The following FSTL5 variants were observed in gnomAD, a reference collection of about 807,000 sequenced individuals.
FSTL5 encodes the protein follistatin like 5, also known as follistatin-related protein 5.
Under a neutral mutation model 89.1 loss-of-function variants are expected in FSTL5, and 62 were observed. The observed-to-expected ratio is 0.70, with a 90% CI of 0.57 to 0.86. FSTL5 has a LOEUF of 0.86. Ranked by LOEUF, FSTL5 falls within the 40% of genes least tolerant of loss-of-function variation. The pLI, the probability that FSTL5 is intolerant of heterozygous loss-of-function variation, is 0.00. For missense variants in FSTL5, 1,057 were observed against 1,001.6 expected (o/e 1.06, Z -0.75); for synonymous variants, 383 against 346.2 (o/e 1.11, Z -1.18).
chr4:161,767,052 T>C (rs1408073773), intron 5 of FSTL5, among the ~76,000 whole-genome samples: 1 of 152,150 alleles, frequency 6.6e-6, no homozygotes, highest in Non-Finnish European at 1.5e-5. Flanking sequence ...TGTCTACCCA[T>C]AGTCTTTCAA....
chr4:162,100,185 G>A lies in FSTL5; in HGVS notation c.126+11086C>T, dbSNP rs765218354. ...AGCAACCAAGATGTTCTTCAGTAGT[G>A]AATGTAAAAACAAACTGTGGTACAT... On this transcript the variant is annotated intron_variant, in intron 2 of 15. Coordinates refer to ENST00000306100, the MANE Select transcript of FSTL5 (RefSeq NM_020116.5). 1.1e-3 allele frequency among the ~76,000 whole-genome samples: 169 copies of A among 152,176 alleles called. 1 individual carries two copies. The highest frequency in any genetic ancestry group is 4.0e-3 in the African/African-American group (165 of 41,442).
chr4:161,931,929 T>C (rs1307154863), intron 3 of FSTL5, among the ~76,000 whole-genome samples: 1 of 151,944 alleles, frequency 6.6e-6, no homozygotes, highest in Non-Finnish European at 1.5e-5. Context: ...AGTCCAAACA[T>C]CTTCAATTGT....
At chr4:162,017,198 G>T (rs1429664573) in intron 3 of FSTL5, among the ~76,000 whole-genome samples, 2 of 152,144 alleles carry the variant, frequency 1.3e-5, no homozygotes, top group Non-Finnish European at 2.9e-5. Flanking sequence ...CGGACCTGTG[G>T]TGTGCAGACC....
chr4:161,874,775 T>C (rs1732386595), intron 4 of FSTL5, among the ~76,000 whole-genome samples: 1 of 152,156 alleles, frequency 6.6e-6, no homozygotes. Flanking sequence ...CCATAAATCA[T>C]GTAAACAAAT....
intron 4 of FSTL5, among the ~76,000 whole-genome samples, chr4:161,862,237 G>T (rs1373264859): frequency 6.6e-6 from 1 of 152,118 alleles, no homozygotes; most frequent in African/African-American, 2.4e-5. Context: ...TTGTATTTAT[G>T]AGTAAATATG....
chr4:161,899,052 G>A (rs1184474428), intron 4 of FSTL5, among the ~76,000 whole-genome samples: 2 of 152,094 alleles, frequency 1.3e-5, no homozygotes. Context: ...ATATCCTCTT[G>A]AATAGAGTAA....
rs115012997 is a variant in FSTL5, at chr4:161,515,739, T to G, written c.1313-5315A>C. Among the ~76,000 whole-genome samples, 891 of 151,960 alleles carry G rather than the reference T, an allele frequency of 5.9e-3. 11 individuals are homozygous for G. The highest frequency in any genetic ancestry group is 0.02 in the African/African-American group (850 of 41,504). Reference sequence around the variant, plus strand: ...TATTAATTCTAACCTAGTACCAATATCAGATGCTAGCATAAGTAATAGAAG... The same window carrying G: ...TATTAATTCTAACCTAGTACCAATAGCAGATGCTAGCATAAGTAATAGAAG... On this transcript the variant is annotated intron_variant, in intron 10 of 15. Coordinates refer to ENST00000306100, the MANE Select transcript of FSTL5 (RefSeq NM_020116.5).
At chr4:161,478,919 A>G (rs1482220874) in intron 13 of FSTL5, among the ~76,000 whole-genome samples, 1 of 152,138 alleles carries the variant, frequency 6.6e-6, no homozygotes, top group Non-Finnish European at 1.5e-5. Flanking sequence ...CATCATGTAA[A>G]GCACAAATAG....
At chr4:161,700,112 A>G (rs1429948726) in intron 6 of FSTL5, among the ~76,000 whole-genome samples, 1 of 152,232 alleles carries the variant, frequency 6.6e-6, no homozygotes, top group African/African-American at 2.4e-5. Flanking sequence ...ACATGAGTAC[A>G]TATTGCTTAC....
intron 6 of FSTL5, among the ~76,000 whole-genome samples, chr4:161,757,543 A>G (rs1309840816): frequency 6.6e-6 from 1 of 152,036 alleles, no homozygotes; most frequent in African/African-American, 2.4e-5. Flanking sequence ...TTGATTAGAA[A>G]CTCAGCCACC....
At chr4:161,831,584 G>C (rs532622571) in intron 4 of FSTL5, among the ~76,000 whole-genome samples, 2 of 151,872 alleles carry the variant, frequency 1.3e-5, no homozygotes, top group African/African-American at 4.8e-5. Flanking sequence ...CAGTTTCAAA[G>C]TGTTACATTA....
chr4:161,600,618 T>A (rs566550518), intron 7 of FSTL5, among the ~76,000 whole-genome samples: 2 of 152,130 alleles, frequency 1.3e-5, no homozygotes, highest in South Asian at 4.1e-4. Context: ...TCGACTTGGA[T>A]TGTACTTCTT....
At chr4:161,639,810 G>T (rs1008901377) in intron 7 of FSTL5, among the ~76,000 whole-genome samples, 7 of 152,118 alleles carry the variant, frequency 4.6e-5, no homozygotes, top group African/African-American at 1.7e-4. Context: ...AAATATTGGG[G>T]ATTTGTACTC....
At chr4:161,574,956 C>A (rs1560960957) in intron 8 of FSTL5, among the ~76,000 whole-genome samples, 1 of 152,198 alleles carries the variant, frequency 6.6e-6, no homozygotes, top group South Asian at 2.1e-4. Context: ...CTAATTTACA[C>A]TCCTACCAAC....
intron 6 of FSTL5, among the ~76,000 whole-genome samples, chr4:161,679,799 A>G (rs528699474): frequency 6.6e-6 from 1 of 151,814 alleles, no homozygotes; most frequent in African/African-American, 2.4e-5. Flanking sequence ...TGTGCTAGGT[A>G]CTCTTCTCAC....
chr4:161,480,620 G>A (rs1246566907), intron 13 of FSTL5, among the ~76,000 whole-genome samples: 1 of 152,076 alleles, frequency 6.6e-6, no homozygotes, highest in Admixed American at 6.6e-5. Context: ...GCCTACAATT[G>A]TCTTGGTCTT....
At chr4:161,531,440 C>G (rs1015328595) in intron 10 of FSTL5, among the ~76,000 whole-genome samples, 7 of 152,248 alleles carry the variant, frequency 4.6e-5, no homozygotes, top group Middle Eastern at 3.4e-3. Context: ...TTATTTACCC[C>G]CAAAGTTACA....
chr4:162,153,721 AAT>A (rs36137019), intron 1 of FSTL5, among the ~76,000 whole-genome samples: 2 of 105,442 alleles, frequency 1.9e-5, no homozygotes, highest in Non-Finnish European at 3.9e-5. Context: ...TGTATATAAT[AAT>A]ATATGTATAT....
chr4:161,597,849 G>A (rs1184348888), intron 7 of FSTL5, among the ~76,000 whole-genome samples: 1 of 151,906 alleles, frequency 6.6e-6, no homozygotes, highest in Non-Finnish European at 1.5e-5. Context: ...AAGTAGATTA[G>A]GCAAAATGAG....
Sources: allele counts gnomAD v4.1 joint callset (sites outside exome capture counted in the v4.1 genomes callset), GRCh38; gene constraint gnomAD v4.1.1; transcripts MANE v1.5; gene names NCBI Gene and HGNC (gene_info 2026-07-23, HGNC 2026-07-21).